MYO6: variants seen among roughly 807,000 people sequenced by gnomAD.
MYO6 encodes the protein unconventional myosin-VI.
A neutral mutation model predicts 178.7 loss-of-function variants in MYO6; 74 were observed. The ratio of observed to expected loss-of-function variants is 0.41; its 90% confidence interval spans 0.34 to 0.50. The LOEUF (loss-of-function observed/expected upper bound fraction) is 0.50. Ranked by LOEUF, MYO6 falls within the 20% of genes least tolerant of loss-of-function variation. The probability of loss-of-function intolerance (pLI) is 0.09; values close to 1 mark genes in which losing one functional copy is unlikely to be tolerated. For missense variants in MYO6, 1,330 were observed against 1,547.4 expected (o/e 0.86, Z 2.36); for synonymous variants, 477 against 504.6 (o/e 0.95, Z 0.73).
intron 20 of MYO6, among the ~76,000 whole-genome samples, chr6:75,875,903 GC>G (rs1240815452): frequency 1.3e-5 from 2 of 152,142 alleles, no homozygotes; most frequent in Non-Finnish European, 2.9e-5. Flanking sequence ...TGCTTAAAAT[GC>G]TCTAATGGCT....
At chr6:75,870,625 A>G in intron 18 of MYO6, 22 bp from the exon 19 acceptor site, 1 of 1,605,472 alleles carries the variant, frequency 6.2e-7, no homozygotes. Flanking sequence ...GAAATAATAA[A>G]CTGATTTCCT....
chr6:75,897,886 T>C (rs1221653516), intron 29 of MYO6, among the ~76,000 whole-genome samples: 3 of 152,208 alleles, frequency 2.0e-5, no homozygotes, highest in Non-Finnish European at 4.4e-5. Context: ...CATGCTTTGA[T>C]TTGGAATTTT....
chr6:75,886,192 G>T, intron 24 of MYO6, 98 bp downstream of exon 24: 1 of 747,286 alleles, frequency 1.3e-6, no homozygotes, highest in Non-Finnish European at 2.3e-6. Flanking sequence ...GGATACTCAG[G>T]TTTTCTCATG....
intron 3 of MYO6, among the ~76,000 whole-genome samples, chr6:75,825,811 A>T (rs1772408088): frequency 6.6e-6 from 1 of 152,218 alleles, no homozygotes; most frequent in Admixed American, 6.5e-5. Context: ...ATCTAAATTT[A>T]ATAATGAAGT....
intron 33 of MYO6, 64 bp from the exon 34 acceptor site, chr6:75,913,999 G>A: frequency 6.8e-7 from 1 of 1,465,494 alleles, no homozygotes; most frequent in East Asian, 2.3e-5. Context: ...GTATATTTTA[G>A]GATTAAAGGC....
intron 1 of MYO6, among the ~76,000 whole-genome samples, chr6:75,781,987 G>A (rs1767036599): frequency 6.6e-6 from 1 of 150,896 alleles, no homozygotes; most frequent in African/African-American, 2.4e-5. Context: ...AACCACGTGT[G>A]GACAGATGAG....
chr6:75,783,374 G>C (rs953458707), intron 1 of MYO6, among the ~76,000 whole-genome samples: 1 of 152,088 alleles, frequency 6.6e-6, no homozygotes, highest in Non-Finnish European at 1.5e-5. Flanking sequence ...TCACTGAACC[G>C]GTAACCCAAC....
In MYO6 at chr6:75,796,363, T is replaced by TA. The variant is rs1449235120; in HGVS notation, c.-47-21137dup. Reference sequence around the variant, plus strand: ...TTCCTCTCAGTACACCCTCCAGTCTTACTAAGTAACATTTATGTCCAGTAT... The same window carrying TA: ...TTCCTCTCAGTACACCCTCCAGTCTTAACTAAGTAACATTTATGTCCAGTAT... On this transcript the variant is annotated intron_variant, in intron 1 of 34. Coordinates refer to ENST00000369977, the MANE Select transcript of MYO6 (RefSeq NM_004999.4). 2.0e-5 allele frequency among the ~76,000 whole-genome samples: 3 copies of TA among 152,214 alleles called. No individual in the cohort carries two copies. In the East Asian group the frequency reaches 5.8e-4, roughly 29 times the overall value.
intron 18 of MYO6, among the ~76,000 whole-genome samples, chr6:75,870,189 A>G (rs896571121): frequency 3.9e-5 from 6 of 152,136 alleles, no homozygotes; most frequent in African/African-American, 1.4e-4. Flanking sequence ...TAAGTGTTCC[A>G]TAAAACAATC....
At chr6:75,857,825 T>A (rs1057139013) in intron 13 of MYO6, among the ~76,000 whole-genome samples, 5 of 152,246 alleles carry the variant, frequency 3.3e-5, no homozygotes, top group African/African-American at 9.6e-5. Flanking sequence ...ATGTGAATGC[T>A]GCTTTGCTCT....
chr6:75,868,814 T>G (rs1776906245), intron 18 of MYO6, among the ~76,000 whole-genome samples: 1 of 152,128 alleles, frequency 6.6e-6, no homozygotes, highest in South Asian at 2.1e-4. Context: ...GAAAGTGCCT[T>G]TTTCAGGTTA....
chr6:75,851,980 T>A (rs1181802925), intron 11 of MYO6, among the ~76,000 whole-genome samples: 2 of 152,134 alleles, frequency 1.3e-5, no homozygotes, highest in Non-Finnish European at 2.9e-5. Context: ...GTTTTTAAAA[T>A]TCCACATAAC....
At chr6:75,771,859 A>G (rs1765926985) in intron 1 of MYO6, among the ~76,000 whole-genome samples, 1 of 152,178 alleles carries the variant, frequency 6.6e-6, no homozygotes, top group African/African-American at 2.4e-5. Flanking sequence ...TAAAAATTAA[A>G]TCTTTGTAAG....
chr6:75,860,585 A>G (rs1345772558), intron 14 of MYO6, among the ~76,000 whole-genome samples: 1 of 152,232 alleles, frequency 6.6e-6, no homozygotes, highest in Non-Finnish European at 1.5e-5. Context: ...AATCTTTTCT[A>G]GTATCTCATG....
At chr6:75,837,537 TAAAG>T (rs1483134570) in intron 7 of MYO6, among the ~76,000 whole-genome samples, 1 of 152,174 alleles carries the variant, frequency 6.6e-6, no homozygotes, top group African/African-American at 2.4e-5. Flanking sequence ...CTTGACATCT[TAAAG>T]AAAAATGTTG....
intron 26 of MYO6, 61 bp from the exon 27 acceptor site, chr6:75,891,167 G>A: frequency 8.8e-7 from 1 of 1,133,368 alleles, no homozygotes; most frequent in Non-Finnish European, 1.3e-6. Context: ...TAGTTAAATT[G>A]CCTTCTGAAG....
At chr6:75,784,702 G>A (rs1302704538) in intron 1 of MYO6, among the ~76,000 whole-genome samples, 2 of 150,720 alleles carry the variant, frequency 1.3e-5, no homozygotes, top group Non-Finnish European at 3.0e-5. Context: ...GCGTGAACCC[G>A]GGAGGCGGAG....
chr6:75,791,169 G>A (rs1768202769), intron 1 of MYO6, among the ~76,000 whole-genome samples: 2 of 152,250 alleles, frequency 1.3e-5, no homozygotes, highest in Admixed American at 6.5e-5. Context: ...TCCTGACCTC[G>A]TGATCCACCC....
intron 30 of MYO6, among the ~76,000 whole-genome samples, chr6:75,904,143 C>T (rs1270842782): frequency 3.0e-4 from 46 of 151,720 alleles, no homozygotes; most frequent in Admixed American, 2.6e-4. Context: ...CGACCTTTCT[C>T]TCTGGCTGCC....
Sources: allele counts gnomAD v4.1 joint callset (sites outside exome capture counted in the v4.1 genomes callset), GRCh38; gene constraint gnomAD v4.1.1; transcripts MANE v1.5; gene names NCBI Gene and HGNC (gene_info 2026-07-23, HGNC 2026-07-21).